Variants in CCDC149 observed in about 807,000 individuals in gnomAD.
CCDC149 encodes coiled-coil domain containing 149, also known as coiled-coil domain-containing protein 149.
CCDC149 carries 45 observed loss-of-function variants against 59.9 expected under a neutral mutation model. The ratio of observed to expected loss-of-function variants is 0.75; its 90% CI spans 0.59 to 0.96. The LOEUF (loss-of-function observed/expected upper bound fraction) is 0.96, where lower values mean the gene tolerates loss of function less well. Ranked by LOEUF, CCDC149 falls within the 40% of genes least tolerant of loss-of-function variation. The pLI, the probability that CCDC149 is intolerant of heterozygous loss-of-function variation, is 0.00. For synonymous variants in CCDC149, 245 were observed against 260.6 expected (o/e 0.94, Z 0.58); for missense variants, 584 against 664.7 (o/e 0.88, Z 1.33).
At chr4:24,813,527 T>TAA (rs1553846400) in intron 12 of CCDC149, among the ~76,000 whole-genome samples, 992 of 91,242 alleles carry the variant, frequency 0.011, 12 homozygotes, top group Non-Finnish European at 0.015. Flanking sequence ...TATATATATA[T>TAA]AAAACCTAAA....
intron 3 of CCDC149, among the ~76,000 whole-genome samples, chr4:24,857,658 G>T (rs1718109137): frequency 1.3e-5 from 2 of 152,218 alleles, no homozygotes; most frequent in African/African-American, 4.8e-5. Context: ...TAGAGACCTA[G>T]TGATGTGATT....
intron 4 of CCDC149, among the ~76,000 whole-genome samples, chr4:24,842,141 C>T (rs887276308): frequency 1.3e-5 from 2 of 152,242 alleles, no homozygotes; most frequent in Non-Finnish European, 2.9e-5. Flanking sequence ...CTGCCTCTTA[C>T]ATGCTGACTT....
upstream of CCDC149, among the ~76,000 whole-genome samples, chr4:24,914,262 CTGTT>C (rs540962651): frequency 1.4e-4 from 22 of 152,004 alleles, no homozygotes; most frequent in African/African-American, 5.1e-4. Flanking sequence ...ACATGATAGA[CTGTT>C]TGCAAAATGG....
intron 1 of CCDC149, among the ~76,000 whole-genome samples, chr4:24,898,021 T>C (rs1026717420): frequency 6.6e-6 from 1 of 152,210 alleles, no homozygotes; most frequent in Non-Finnish European, 1.5e-5. Context: ...CCTCCAATAC[T>C]GCCTTGGTCG....
chr4:24,839,808 T>G (rs1349245021), intron 4 of CCDC149, among the ~76,000 whole-genome samples: 1 of 152,210 alleles, frequency 6.6e-6, no homozygotes, highest in Non-Finnish European at 1.5e-5. Context: ...CCAGTGTTTC[T>G]TTTATGGAGG....
At chr4:24,970,545 G>A (rs1723934602) in intron 1 of CCDC149, among the ~76,000 whole-genome samples, 1 of 152,174 alleles carries the variant, frequency 6.6e-6, no homozygotes, top group African/African-American at 2.4e-5. Flanking sequence ...CACCACTGAG[G>A]AGTGGGTACC....
In CCDC149 at chr4:24,808,504, G is replaced by C. The variant is rs1257251659; in HGVS notation, c.1508C>G (p.Pro503Arg). The change falls in exon 13 of 13, where the codon CCT becomes CGT. Residue 503 changes from proline (P) to arginine (R), a missense_variant. By Grantham distance (103) the Pro-to-Arg change is moderately radical. Coordinates refer to ENST00000635206, the MANE Select transcript of CCDC149 (RefSeq NM_001330643.2). ...CTCGAAGGAGTCCAGGTGAGATTTA[G>C]GGAGCTCCCCCTGGATGGCCAGGCC... The C allele has an allele frequency of 1.3e-6, 2 of 1,522,206 alleles. No homozygotes were observed. Among genetic ancestry groups the C allele is most frequent in the East Asian group, 2.5e-5 (1 of 40,732 alleles). 94.3% of individuals were successfully genotyped at this position (1,522,206 alleles called of 1,614,324 possible). A position where few individuals can be genotyped will look rare whatever the true frequency, so the allele number is the denominator to read the frequency against.
intron 9 of CCDC149, among the ~76,000 whole-genome samples, chr4:24,826,031 C>T (rs187578525): frequency 1.9e-3 from 283 of 152,086 alleles, no homozygotes; most frequent in Non-Finnish European, 3.0e-3. Flanking sequence ...TCTCAGCTCA[C>T]GGCAACCTCT....
intron 1 of CCDC149, among the ~76,000 whole-genome samples, chr4:24,941,866 T>C (rs1722961389): frequency 6.6e-6 from 1 of 152,194 alleles, no homozygotes; most frequent in Admixed American, 6.5e-5. Flanking sequence ...AATCTCTGAA[T>C]AGACCAATAA....
At chr4:24,912,415 C>A (rs536490423) in intron 1 of CCDC149, among the ~76,000 whole-genome samples, 1 of 152,158 alleles carries the variant, frequency 6.6e-6, no homozygotes, top group Non-Finnish European at 1.5e-5. Context: ...CACCCCAGGG[C>A]TCGGATTCTC....
chr4:24,887,307 A>G (rs895506446), intron 1 of CCDC149, among the ~76,000 whole-genome samples: 20 of 151,956 alleles, frequency 1.3e-4, no homozygotes, highest in Non-Finnish European at 2.9e-5. Flanking sequence ...GATGGGGTGC[A>G]GTCACTTCTT....
At chr4:24,848,948 C>T (rs1577407431) in intron 4 of CCDC149, among the ~76,000 whole-genome samples, 1 of 152,156 alleles carries the variant, frequency 6.6e-6, no homozygotes, top group Non-Finnish European at 1.5e-5. Flanking sequence ...CTGCACTAAC[C>T]CAGGTTTCAG....
intron 3 of CCDC149, among the ~76,000 whole-genome samples, chr4:24,855,026 G>A (rs1717913769): frequency 6.6e-6 from 1 of 152,080 alleles, no homozygotes; most frequent in South Asian, 2.1e-4. Context: ...TTACTTCATG[G>A]TTCATTGCTT....
intron 12 of CCDC149, among the ~76,000 whole-genome samples, chr4:24,809,467 G>C (rs1440605728): frequency 6.6e-6 from 1 of 152,218 alleles, no homozygotes; most frequent in Non-Finnish European, 1.5e-5. Context: ...AGCCCTTAAA[G>C]TGCTGACATC....
intron 1 of CCDC149, among the ~76,000 whole-genome samples, chr4:24,928,880 A>T (rs1439276829): frequency 6.6e-6 from 1 of 152,208 alleles, no homozygotes; most frequent in South Asian, 2.1e-4. Context: ...ACTTCATGTG[A>T]CAGGCGGGGC....
chr4:24,904,070 G>A (rs1303351515), intron 1 of CCDC149, among the ~76,000 whole-genome samples: 1 of 152,168 alleles, frequency 6.6e-6, no homozygotes, highest in East Asian at 1.9e-4. Flanking sequence ...AAAGTGCTGC[G>A]ATTACAGGCG....
At chr4:24,943,053 A>G (rs1489290158) in intron 1 of CCDC149, among the ~76,000 whole-genome samples, 2 of 151,550 alleles carry the variant, frequency 1.3e-5, no homozygotes, top group Non-Finnish European at 2.9e-5. Context: ...ACTACTTTAA[A>G]GTTCATATGG....
At chr4:24,848,016 C>T (rs1045252578) in intron 4 of CCDC149, among the ~76,000 whole-genome samples, 1 of 152,014 alleles carries the variant, frequency 6.6e-6, no homozygotes, top group Non-Finnish European at 1.5e-5. Context: ...TGAGGTCAAC[C>T]GTGGTCTGGA....
rs555529096 is a variant in CCDC149, at chr4:24,808,902, C to G, written c.1193-83G>C. Reference sequence around the variant, plus strand: ...CCTCTTCTGCCAACCTCCTGCCCAGCCTACCAGCACAGGGCCTCTGAAAAA... The same window carrying G: ...CCTCTTCTGCCAACCTCCTGCCCAGGCTACCAGCACAGGGCCTCTGAAAAA... On this transcript the variant is annotated intron_variant, in intron 12 of 12. Transcript: ENST00000635206. 3.5e-5 allele frequency: 45 copies of G among 1,284,730 alleles called. No individual in the cohort carries two copies. The East Asian group carries it at 9.6e-4, about 27-fold the overall frequency. The allele number at this position is 1,284,730 out of a possible 1,614,324, so 79.6% of individuals were successfully genotyped here. A position where few individuals can be genotyped will look rare whatever the true frequency, so the allele number is the denominator to read the frequency against.
Sources: gnomAD v4.1 joint callset for allele counts (sites outside exome capture counted in the v4.1 genomes callset) on GRCh38, gnomAD v4.1.1 for gene constraint, MANE v1.5 for transcripts, NCBI Gene and HGNC (gene_info 2026-07-23, HGNC 2026-07-21) for gene names.